The following NT5DC4 variants were observed in gnomAD, a reference collection of about 807,000 sequenced individuals.
NT5DC4 encodes the protein 5'-nucleotidase domain containing 4.
NT5DC4 carries 44 observed loss-of-function variants against 26.6 expected under a neutral mutation model. The observed-to-expected ratio is 1.65, with a 90% CI of 1.30 to 2.13. The LOEUF is 2.13. NT5DC4 is among the 30% of genes most tolerant of loss of function. The pLI is 0.00. For missense variants in NT5DC4, 399 were observed against 228.1 expected (o/e 1.75, Z -4.83); for synonymous variants, 157 against 86.7 (o/e 1.81, Z -4.51).
At chr2:112,725,803 G>A (rs940711863) in intron 13 of NT5DC4, among the ~76,000 whole-genome samples, 1 of 152,116 alleles carries the variant, frequency 6.6e-6, no homozygotes, top group Non-Finnish European at 1.5e-5. Context: ...CAAGAATCCC[G>A]TGGTGTTTCT....
intron 10 of NT5DC4, 38 bp from the exon 11 acceptor site, chr2:112,724,743 C>A: frequency 1.4e-6 from 1 of 714,356 alleles, no homozygotes; most frequent in South Asian, 1.5e-5. Flanking sequence ...TCAGATTTAC[C>A]AGGCTGTGTG....
chr2:112,725,114 CCTAG>C (rs1313728217), intron 11 of NT5DC4, 56 bp from the exon 12 acceptor site: 4 of 687,914 alleles, frequency 5.8e-6, no homozygotes, highest in Non-Finnish European at 1.1e-5. Flanking sequence ...TGCGACCCTC[CCTAG>C]CTAGAGACCA....
intron 16 of NT5DC4, among the ~76,000 whole-genome samples, chr2:112,734,169 A>ATATATATGTGTGTGTG (rs150412692): frequency 1.8e-3 from 240 of 134,870 alleles, no homozygotes; most frequent in Non-Finnish European, 2.4e-3. Context: ...TATTATATAT[A>ATATATATGTGTGTGTG]TGTGTGTGTG....
At chr2:112,727,609 G>A (rs1677909796) in intron 15 of NT5DC4, among the ~76,000 whole-genome samples, 1 of 152,184 alleles carries the variant, frequency 6.6e-6, no homozygotes. Flanking sequence ...GTGAGGAGCT[G>A]CCCCACCTCC....
In NT5DC4 at chr2:112,725,158, C is replaced by T; in HGVS notation, c.916-16C>T. Reference sequence around the variant, plus strand: ...TGTGGTTCTCCTGGCTCCAGGGCACCCCTCTGCCCCTCCAGGACTCAGGAA... The same window carrying T: ...TGTGGTTCTCCTGGCTCCAGGGCACTCCTCTGCCCCTCCAGGACTCAGGAA... On this transcript the variant is annotated splice_polypyrimidine_tract_variant and intron_variant, in intron 11 of 16. Coordinates refer to ENST00000688554, the MANE Select transcript of NT5DC4 (RefSeq NM_001393655.1). The T allele has an allele frequency of 1.4e-6, 1 of 711,854 alleles. No individual in the cohort carries two copies. The highest frequency in any genetic ancestry group is 2.6e-6 in the Non-Finnish European group (1 of 381,032). 44.1% of individuals were successfully genotyped at this position (711,854 alleles called of 1,614,324 possible). A position where few individuals can be genotyped will look rare whatever the true frequency, so the allele number is the denominator to read the frequency against.
intron 11 of NT5DC4, 121 bp downstream of exon 11, chr2:112,725,027 C>T (rs1403463426): frequency 3.5e-5 from 23 of 653,426 alleles, no homozygotes; most frequent in South Asian, 1.0e-4. Context: ...GCAGGGAACC[C>T]GAGGCCGCCT....
Position 112,726,126 on chromosome 2 carries a change from C to G in NT5DC4, c.1154-112C>G, listed in dbSNP as rs575302904. 4 of 688,748 alleles carry G rather than the reference C, an allele frequency of 5.8e-6. No homozygotes were observed. In the African/African-American group the frequency reaches 7.0e-5, roughly 12 times the overall value. 42.7% of individuals were successfully genotyped at this position (688,748 alleles called of 1,614,324 possible). A position where few individuals can be genotyped will look rare whatever the true frequency, so the allele number is the denominator to read the frequency against. The stretch of plus-strand genomic sequence containing the variant: ...TGTAAGGGGCCAGGGGTGTTATGCA[C>G]ACAGCTCAGGGTGTGCAAGTCCTCC... On this transcript the variant is annotated intron_variant, in intron 13 of 16. Transcript: ENST00000688554.
At chr2:112,735,482 T>TCC (rs60511460) in intron 16 of NT5DC4, among the ~76,000 whole-genome samples, 1 of 127,254 alleles carries the variant, frequency 7.9e-6, no homozygotes, top group African/African-American at 2.5e-5. Context: ...TATATAATCC[T>TCC]CCCCCCCCTT....
At chr2:112,731,921 T>A (rs141643333) in intron 16 of NT5DC4, among the ~76,000 whole-genome samples, 2 of 145,082 alleles carry the variant, frequency 1.4e-5, no homozygotes, top group Non-Finnish European at 3.0e-5. Context: ...AGTTTACTTT[T>A]TTTTTTTTTT....
At chr2:112,739,156 G>A (rs181816188), downstream of NT5DC4, 3 of 862,016 alleles carry the variant, frequency 3.5e-6, no homozygotes, top group Non-Finnish European at 5.4e-6. Flanking sequence ...TTTTAACATA[G>A]GGTGATACAA....
upstream of NT5DC4, among the ~76,000 whole-genome samples, chr2:112,720,034 C>CTTCT (rs200744966): frequency 9.8e-4 from 129 of 132,288 alleles, 1 homozygote; most frequent in Non-Finnish European, 3.0e-4. Flanking sequence ...TCCTTCCTTC[C>CTTCT]TTCTTTCTTC....
At chr2:112,725,001 C>G (rs1056112156) in intron 11 of NT5DC4, 95 bp downstream of exon 11, 2 of 672,910 alleles carry the variant, frequency 3.0e-6, no homozygotes, top group Non-Finnish European at 5.6e-6. Flanking sequence ...CTCTGCTGGC[C>G]TGTCTGTCCC....
chr2:112,722,554 G>A lies in NT5DC4; in HGVS notation c.434G>A (p.Cys145Tyr), dbSNP rs966754656. The A allele has an allele frequency of 2.8e-6, 2 of 717,328 alleles. No individual in the cohort carries two copies. The highest frequency in any genetic ancestry group is 5.2e-6 in the Non-Finnish European group (2 of 385,084). 44.4% of individuals were successfully genotyped at this position (717,328 alleles called of 1,614,324 possible). The change falls in exon 5 of 17, where the codon TGT becomes TAT. Residue 145 changes from cysteine (C) to tyrosine (Y), a missense_variant. Transcript: ENST00000688554. Reference protein sequence around the residue: ...SKFIQRDDLQCFYILNMLFNL... With the variant: ...SKFIQRDDLQYFYILNMLFNL... Reference sequence around the variant, plus strand: ...TTCATTCAGAGGGACGACCTGCAGTGTTTCTACATACTCAACATGCTCTTC... The same window carrying A: ...TTCATTCAGAGGGACGACCTGCAGTATTTCTACATACTCAACATGCTCTTC...
At chr2:112,728,598 C>T (rs1678064589) in intron 15 of NT5DC4, among the ~76,000 whole-genome samples, 1 of 152,222 alleles carries the variant, frequency 6.6e-6, no homozygotes, top group South Asian at 2.1e-4. Context: ...CTCTGAGGCT[C>T]CCTGTCGCCT....
downstream of NT5DC4, chr2:112,742,814 G>A: frequency 7.0e-7 from 1 of 1,429,686 alleles, no homozygotes; most frequent in Non-Finnish European, 9.6e-7. Context: ...AAACATTCAT[G>A]CAAAAAATTT....
At chr2:112,738,757 T>G in intron 16 of NT5DC4, 156 bp from the exon 17 acceptor site, 2 of 1,104,208 alleles carry the variant, frequency 1.8e-6, no homozygotes, top group Non-Finnish European at 2.7e-6. Flanking sequence ...CCAGGTCACT[T>G]GGACAAGAAT....
chr2:112,729,735 C>T (rs904562029), intron 16 of NT5DC4, 31 bp downstream of exon 16: 1 of 717,204 alleles, frequency 1.4e-6, no homozygotes, highest in East Asian at 2.7e-5. Flanking sequence ...AACTCTGTGG[C>T]TTGGGGTCCC....
downstream of NT5DC4, among the ~76,000 whole-genome samples, chr2:112,742,018 G>C (rs921350932): frequency 1.9e-4 from 26 of 137,224 alleles, no homozygotes; most frequent in Non-Finnish European, 3.5e-4. Context: ...TCAAACTCCT[G>C]ACCTCAGGTG....
At chr2:112,741,340 A>T (rs1679948930), downstream of NT5DC4, among the ~76,000 whole-genome samples, 1 of 152,006 alleles carries the variant, frequency 6.6e-6, no homozygotes, top group South Asian at 2.1e-4. Context: ...CTGGCCTTCT[A>T]CCCTTACACC....
Sources: gnomAD v4.1 joint callset for allele counts (sites outside exome capture counted in the v4.1 genomes callset) on GRCh38, gnomAD v4.1.1 for gene constraint, MANE v1.5 for transcripts, NCBI Gene and HGNC (gene_info 2026-07-23, HGNC 2026-07-21) for gene names.